The following DLGAP2 variants were observed in gnomAD, a reference collection of about 807,000 sequenced individuals.
The protein encoded by DLGAP2 is DLG associated protein 2.
A neutral mutation model predicts 100.3 loss-of-function variants in DLGAP2; 26 were observed. The observed-to-expected ratio is 0.26, with a 90% CI of 0.19 to 0.36. The LOEUF (loss-of-function observed/expected upper bound fraction) is 0.36. Among genes scored for constraint, DLGAP2 ranks in the 10% least tolerant of loss-of-function variants. The probability of loss-of-function intolerance (pLI) is 1.00; values close to 1 mark genes in which losing one functional copy is unlikely to be tolerated. For missense variants in DLGAP2, 1,858 were observed against 1,453.2 expected (o/e 1.28, Z -4.53); for synonymous variants, 886 against 630.1 (o/e 1.41, Z -6.08).
intron 12 of DLGAP2, 89 bp from the exon 13 acceptor site, chr8:1,691,446 T>G: frequency 8.9e-7 from 1 of 1,118,702 alleles, no homozygotes; most frequent in Non-Finnish European, 1.3e-6. Context: ...CCAGTGGGAC[T>G]CGCTCCCTTG....
intron 2 of DLGAP2, among the ~76,000 whole-genome samples, chr8:979,564 G>T (rs922038697): frequency 2.6e-5 from 4 of 152,226 alleles, no homozygotes; most frequent in African/African-American, 9.6e-5. Flanking sequence ...GTGTGGGCAG[G>T]TTTTGCACCT....
intron 3 of DLGAP2, among the ~76,000 whole-genome samples, chr8:1,314,739 G>A (rs145651712): frequency 8.5e-5 from 13 of 152,186 alleles, no homozygotes; most frequent in African/African-American, 2.9e-4. Flanking sequence ...GAGGACTTTC[G>A]GGGGTCTCCC....
intron 2 of DLGAP2, among the ~76,000 whole-genome samples, chr8:940,792 C>G (rs10112008): frequency 0.25 from 37,665 of 152,186 alleles, 5,814 homozygotes; most frequent in Middle Eastern, 0.35. Flanking sequence ...GAAAAGATCA[C>G]CACCTTTCTG....
At chr8:1,451,598 A>G (rs866566497) in intron 3 of DLGAP2, among the ~76,000 whole-genome samples, 1 of 151,848 alleles carries the variant, frequency 6.6e-6, no homozygotes, top group Non-Finnish European at 1.5e-5. Context: ...CGCCTCCATC[A>G]CATGTCCCCT....
At chr8:1,520,115 A>T (rs1800536292) in intron 4 of DLGAP2, among the ~76,000 whole-genome samples, 1 of 152,192 alleles carries the variant, frequency 6.6e-6, no homozygotes, top group Non-Finnish European at 1.5e-5. Flanking sequence ...TCTGCTTCCC[A>T]ACATACCATG....
intron 1 of DLGAP2, among the ~76,000 whole-genome samples, chr8:870,999 C>A (rs1456768736): frequency 2.0e-5 from 3 of 152,184 alleles, no homozygotes; most frequent in Non-Finnish European, 2.9e-5. Flanking sequence ...TTTTCCTTCC[C>A]CTGGTTCTTC....
At chr8:1,080,917 A>C (rs1803785668) in intron 2 of DLGAP2, among the ~76,000 whole-genome samples, 1 of 152,342 alleles carries the variant, frequency 6.6e-6, no homozygotes, top group East Asian at 1.9e-4. Flanking sequence ...CTACATATCT[A>C]GCACTAAAAT....
intron 2 of DLGAP2, among the ~76,000 whole-genome samples, chr8:1,150,980 G>A (rs1355756681): frequency 6.6e-6 from 1 of 152,070 alleles, no homozygotes; most frequent in Non-Finnish European, 1.5e-5. Context: ...ATGTTTGCAG[G>A]CACATGTATG....
In DLGAP2 at chr8:1,701,337, G is replaced by A; in HGVS notation, c.3099G>A (p.Arg1033=). 6.3e-7 allele frequency: 1 copy of A among 1,593,284 alleles called. No individual in the cohort carries two copies. The highest frequency in any genetic ancestry group is 8.5e-7 in the Non-Finnish European group (1 of 1,170,626). ...CCGCCAAGCGAGCGGCGTCCTTCCGGCAGAATTCCGCCTCCGAGCGCGCGG... is the reference window on the plus strand; with the variant it reads ...CCGCCAAGCGAGCGGCGTCCTTCCGACAGAATTCCGCCTCCGAGCGCGCGG... ...LMAAKRAASF[R]QNSASERADS... Residue 1033 remains arginine, a synonymous_variant, in exon 15 of 15, where the codon CGG becomes CGA. Coordinates refer to ENST00000637795, the MANE Select transcript of DLGAP2 (RefSeq NM_001346810.2).
chr8:1,245,386 A>T (rs1415626760), intron 2 of DLGAP2, among the ~76,000 whole-genome samples: 1 of 152,234 alleles, frequency 6.6e-6, no homozygotes, highest in East Asian at 1.9e-4. Context: ...GCTGTGGTCC[A>T]TCCATGCAAT....
intron 3 of DLGAP2, among the ~76,000 whole-genome samples, chr8:1,264,101 A>G (rs1799404441): frequency 6.6e-6 from 1 of 152,170 alleles, no homozygotes; most frequent in African/African-American, 2.4e-5. Flanking sequence ...CCCACTAAGA[A>G]TAAATAAAAT....
chr8:1,357,735 C>G (rs1801889397), intron 3 of DLGAP2, among the ~76,000 whole-genome samples: 2 of 152,204 alleles, frequency 1.3e-5, no homozygotes, highest in South Asian at 4.1e-4. Context: ...ACACCAGAAG[C>G]CTCCAGCAAG....
At chr8:955,902 G>C (rs547122590) in intron 2 of DLGAP2, among the ~76,000 whole-genome samples, 3 of 152,258 alleles carry the variant, frequency 2.0e-5, no homozygotes, top group Admixed American at 2.0e-4. Flanking sequence ...GGCATGTGTT[G>C]CTCGGTATTA....
intron 2 of DLGAP2, among the ~76,000 whole-genome samples, chr8:1,196,125 T>G (rs949838333): frequency 3.3e-5 from 5 of 152,260 alleles, no homozygotes; most frequent in African/African-American, 1.2e-4. Context: ...GTCACATTTT[T>G]TCCTGATCCA....
At chr8:1,459,594 A>G (rs994222586) in intron 3 of DLGAP2, among the ~76,000 whole-genome samples, 4 of 151,976 alleles carry the variant, frequency 2.6e-5, no homozygotes, top group Non-Finnish European at 4.4e-5. Flanking sequence ...TTAATTGCAC[A>G]TATGTAGGAA....
At chr8:1,449,080 A>T (rs1269766218) in intron 3 of DLGAP2, among the ~76,000 whole-genome samples, 1 of 152,080 alleles carries the variant, frequency 6.6e-6, no homozygotes, top group Non-Finnish European at 1.5e-5. Flanking sequence ...CAGCTCTGGG[A>T]ATGCCTCGTG....
intron 1 of DLGAP2, among the ~76,000 whole-genome samples, chr8:779,007 G>C (rs1206013557): frequency 6.6e-6 from 1 of 152,250 alleles, no homozygotes; most frequent in Non-Finnish European, 1.5e-5. Flanking sequence ...CGTGGGGTAG[G>C]ACCCTCTGAG....
intron 3 of DLGAP2, among the ~76,000 whole-genome samples, chr8:1,345,190 G>C (rs1380279903): frequency 3.1e-5 from 2 of 64,926 alleles, no homozygotes; most frequent in Non-Finnish European, 7.5e-5. Context: ...TTTCTGTGAA[G>C]TAGAGTTCTG....
chr8:1,040,863 T>G (rs1328551397), intron 2 of DLGAP2, among the ~76,000 whole-genome samples: 1 of 152,180 alleles, frequency 6.6e-6, no homozygotes, highest in African/African-American at 2.4e-5. Flanking sequence ...CGAGGTGAGC[T>G]CTTATTCTTC....
Sources: gnomAD v4.1 joint callset for allele counts (sites outside exome capture counted in the v4.1 genomes callset) on GRCh38, gnomAD v4.1.1 for gene constraint, MANE v1.5 for transcripts, NCBI Gene and HGNC (gene_info 2026-07-23, HGNC 2026-07-21) for gene names.